The following SAMD11 variants were observed in gnomAD, a reference collection of about 807,000 sequenced individuals.
SAMD11 encodes sterile alpha motif domain-containing protein 11.
SAMD11 carries 77 observed loss-of-function variants against 64.4 expected under a neutral mutation model. The observed-to-expected ratio is 1.20, with a 90% CI of 0.99 to 1.44. SAMD11 has a LOEUF of 1.44. Among genes scored for constraint, SAMD11 ranks in the 40% most tolerant of loss-of-function variants. The pLI is 0.00. For synonymous variants in SAMD11, 658 were observed against 421.9 expected (o/e 1.56, Z -6.86); for missense variants, 1,402 against 943.3 (o/e 1.49, Z -6.37).
rs1246719898 is a variant in SAMD11, at chr1:944,524, A to C, written c.*371A>C. The stretch of plus-strand genomic sequence containing the variant: ...CAGCCACACCAGCCCAGCCCAGCCC[A>C]GCTCTCGATACGTTTGGTCTTTCAT... On this transcript the variant is annotated 3_prime_UTR_variant, in exon 14 of 14. Transcript: ENST00000616016. The C allele has an allele frequency of 4.8e-6, 3 of 624,056 alleles. No homozygotes were observed. Among genetic ancestry groups the C allele is most frequent in the African/African-American group, 3.7e-5 (2 of 53,408 alleles). The allele number at this position is 624,056 out of a possible 1,614,324, so 38.7% of individuals were successfully genotyped here.
Position 935,824 on chromosome 1 carries a change from C to T in SAMD11, c.895C>T (p.Leu299Phe). 1 of 1,613,504 alleles carries T rather than the reference C, an allele frequency of 6.2e-7. No homozygotes were observed. Among genetic ancestry groups the T allele is most frequent in the Non-Finnish European group, 8.5e-7 (1 of 1,179,900 alleles). ...LISSVHRSRHLVMPEHQSRCE... is the reference protein window; with the variant it reads ...LISSVHRSRHFVMPEHQSRCE... ...ATCCAGCGTCCACCGCAGCCGCCAC[C>T]TCGTTATGCCCGAGCATCAGAGCCG... The change falls in exon 5 of 14, where the codon CTC (leucine) becomes TTC (phenylalanine). Residue 299 changes from leucine to phenylalanine, a missense_variant. Physicochemically the swap from Leu to Phe is conservative, Grantham distance 22 (BLOSUM62 0). Coordinates refer to ENST00000616016, the MANE Select transcript of SAMD11 (RefSeq NM_001385641.1).
In SAMD11 at chr1:943,908, G is replaced by A. The variant is rs775454462; in HGVS notation, c.2290G>A (p.Val764Met). The A allele has an allele frequency of 7.4e-6, 12 of 1,612,700 alleles. No individual in the cohort carries two copies. Among genetic ancestry groups the A allele is most frequent in the South Asian group, 1.1e-5 (1 of 91,086 alleles). The stretch of plus-strand genomic sequence containing the variant: ...CCCCCACCAGGCCATCTCTCTGCAG[G>A]TGGCCAGGCGCCTGGGCCGAGTTTT... ...LGPALKIRAQ[V>M]ARRLGRVFYV... Residue 764 changes from valine to methionine, a missense_variant and splice_region_variant, in exon 14 of 14, where the codon GTG (valine) becomes ATG (methionine). Val to Met is a conservative substitution (Grantham distance 21). Transcript: ENST00000616016.
intron 2 of SAMD11, among the ~76,000 whole-genome samples, chr1:928,934 G>C (rs189964692): frequency 6.6e-6 from 1 of 152,196 alleles, no homozygotes; most frequent in Admixed American, 6.5e-5. Context: ...CCCAAGCTCC[G>C]GGCTGTGTTG....
At chr1:942,003 C>A (rs928249274) in intron 8 of SAMD11, 133 bp from the exon 9 acceptor site, 2 of 404,424 alleles carry the variant, frequency 4.9e-6, no homozygotes, top group Non-Finnish European at 8.8e-6. Flanking sequence ...TGGCGCGCGA[C>A]CTGGGGCCGT....
rs377255494 is a variant in SAMD11, at chr1:936,053, C to T, written c.967+157C>T. Among the ~76,000 whole-genome samples the T allele has an allele frequency of 4.1e-4, 62 of 152,340 alleles. 1 individual carries two copies. The East Asian group carries it at 0.011, about 27-fold the overall frequency. On this transcript the variant is annotated intron_variant, in intron 5 of 13. Coordinates refer to ENST00000616016, the MANE Select transcript of SAMD11 (RefSeq NM_001385641.1). ...GCATGGGATGGTAATTGTGTTAATC[C>T]CAGCCAGCGGGGCAGACAGGAGGCA... is the stretch of plus-strand genomic sequence containing the variant.
intron 7 of SAMD11, 92 bp downstream of exon 7, chr1:939,504 G>GCCA (rs1413145242): frequency 6.3e-7 from 1 of 1,581,386 alleles, no homozygotes; most frequent in Non-Finnish European, 8.6e-7. Context: ...CACCTCCCCA[G>GCCA]CCACATGTAC....
In SAMD11 at chr1:942,163, G is replaced by A; in HGVS notation, c.1386G>A (p.Leu462=). The part of the protein sequence containing the change: ...ERELPQPPPL[L]SPQNAPHVAL... The stretch of plus-strand genomic sequence containing the variant: ...AGCTGCCTCAGCCGCCCCCCTTGCT[G>A]TCGCCGCAGAATGCCCCTCACGTCG... The change falls in exon 9 of 14, where the codon CTG becomes CTA. Residue 462 remains leucine (L), a synonymous_variant. Coordinates refer to ENST00000616016, the MANE Select transcript of SAMD11 (RefSeq NM_001385641.1). 2.1e-6 allele frequency: 3 copies of A among 1,425,856 alleles called. No individual in the cohort carries two copies. The highest frequency in any genetic ancestry group is 1.9e-6 in the Non-Finnish European group (2 of 1,079,468). The allele number at this position is 1,425,856 out of a possible 1,614,324, so 88.3% of individuals were successfully genotyped here.
At position 944,039 on chromosome 1, in the gene SAMD11, C is replaced by T. The variant is rs1641997545; in HGVS notation, c.2421C>T (p.Ala807=). 3.7e-6 allele frequency: 6 copies of T among 1,612,712 alleles called. No homozygotes were observed. The African/African-American group carries it at 4.0e-5, about 11-fold the overall frequency. Residue 807 remains alanine (A), a synonymous_variant, in exon 14 of 14, where the codon GCC becomes GCT. Coordinates refer to ENST00000616016, the MANE Select transcript of SAMD11 (RefSeq NM_001385641.1). The stretch of plus-strand genomic sequence containing the variant: ...AGCAGCCCTTGTCCCCCACGACGGC[C>T]ACGTCCCCCTATGGAGGGGGCCACG... ...TGEQPLSPTT[A]TSPYGGGHAL...
At chr1:943,601 A>C in intron 12 of SAMD11, 97 bp from the exon 13 acceptor site, 1 of 1,331,354 alleles carries the variant, frequency 7.5e-7, no homozygotes, top group African/African-American at 1.5e-5. Context: ...GTTTTTAAAA[A>C]ATTTCCGTGA....
intron 1 of SAMD11, chr1:925,663 A>C: frequency 1.0e-5 from 4 of 384,126 alleles, no homozygotes; most frequent in Non-Finnish European, 1.4e-5. Flanking sequence ...GGAGCGCGGG[A>C]GGAGGGGCGC....
intron 7 of SAMD11, 54 bp downstream of exon 7, chr1:939,466 GA>G (rs1641632886): frequency 6.5e-7 from 1 of 1,546,194 alleles, no homozygotes; most frequent in Non-Finnish European, 8.8e-7. Flanking sequence ...CCACGGTGAG[GA>G]CCCACCCTGG....
At position 942,269 on chromosome 1, in the gene SAMD11, C is replaced by A; in HGVS notation, c.1474+18C>A. ...GACCCCAGGTGAGGAGGCGGGTGCG[C>A]ATCCCCTGGGAGCCCGCGTGGAGGC... On this transcript the variant is annotated intron_variant, in intron 9 of 13. Coordinates refer to ENST00000616016, the MANE Select transcript of SAMD11 (RefSeq NM_001385641.1). 1.8e-6 allele frequency: 2 copies of A among 1,098,922 alleles called. No individual in the cohort carries two copies. Among genetic ancestry groups the A allele is most frequent in the Non-Finnish European group, 2.4e-6 (2 of 823,250 alleles). 68.1% of individuals were successfully genotyped at this position (1,098,922 alleles called of 1,614,324 possible).
In SAMD11 at chr1:942,550, C is replaced by T. The variant is rs924948739; in HGVS notation, c.1554-9C>T. The T allele has an allele frequency of 2.4e-5, 34 of 1,402,878 alleles. No homozygotes were observed. The highest frequency in any genetic ancestry group is 3.0e-5 in the Non-Finnish European group (33 of 1,088,280). 86.9% of individuals were successfully genotyped at this position (1,402,878 alleles called of 1,614,324 possible). On this transcript the variant is annotated splice_polypyrimidine_tract_variant and intron_variant, in intron 10 of 13. Transcript: ENST00000616016. The stretch of plus-strand genomic sequence containing the variant: ...GGAGGCGGCTGACCCGCGTCTGCCC[C>T]CGGCCCAGGCTGGAGCTGCCCGCCG...
chr1:940,729 TCTA>T (rs1275099925), intron 7 of SAMD11, among the ~76,000 whole-genome samples: 2 of 152,128 alleles, frequency 1.3e-5, no homozygotes, highest in Non-Finnish European at 2.9e-5. Context: ...GCCAGCCGCG[TCTA>T]CTATGGGGAC....
intron 4 of SAMD11, among the ~76,000 whole-genome samples, chr1:932,334 CA>C (rs1216442160): frequency 6.6e-6 from 1 of 152,198 alleles, no homozygotes; most frequent in Non-Finnish European, 1.5e-5. Flanking sequence ...CTCGGGAATG[CA>C]GCGTCCCTCG....
rs577454925 is a variant in SAMD11 at position 931,157 on chromosome 1, G to A, written c.842+68G>A. On this transcript the variant is annotated intron_variant, in intron 4 of 13. Coordinates refer to ENST00000616016, the MANE Select transcript of SAMD11 (RefSeq NM_001385641.1). ...CCCTCCCTCCCTCCCACCCCTGACC[G>A]TGCCCTGCTGTCTGCTGTCCGCTGT... 5.4e-5 allele frequency: 57 copies of A among 1,052,564 alleles called. 1 individual carries two copies. Among genetic ancestry groups the A allele is most frequent in the East Asian group, 1.6e-4 (3 of 18,342 alleles). The allele number at this position is 1,052,564 out of a possible 1,614,324, so 65.2% of individuals were successfully genotyped here.
chr1:943,242 C>G lies in SAMD11; in HGVS notation c.2054-11C>G, dbSNP rs377062272. ...CCAGCCAGAGCCCTAGTAACACGCC[C>G]CACAACTCAGGCGCGGTAGGGGGAC... is the stretch of plus-strand genomic sequence containing the variant. On this transcript the variant is annotated splice_polypyrimidine_tract_variant and intron_variant, in intron 11 of 13. Transcript: ENST00000616016. 6.2e-7 allele frequency: 1 copy of G among 1,612,778 alleles called. No homozygotes were observed. The highest frequency in any genetic ancestry group is 8.5e-7 in the Non-Finnish European group (1 of 1,179,782).
At chr1:943,453 G>A in intron 12 of SAMD11, 76 bp downstream of exon 12, 1 of 1,303,706 alleles carries the variant, frequency 7.7e-7, no homozygotes, top group Non-Finnish European at 1.1e-6. Flanking sequence ...AGGATGGTGG[G>A]GTAGGGCCAT....
intron 5 of SAMD11, among the ~76,000 whole-genome samples, chr1:937,423 C>T (rs1328781970): frequency 1.3e-5 from 2 of 150,966 alleles, no homozygotes; most frequent in Admixed American, 6.6e-5. Context: ...GTCACCTCCC[C>T]CAGGCTAGGA....
Sources: gnomAD v4.1 joint callset for allele counts (sites outside exome capture counted in the v4.1 genomes callset) on GRCh38, gnomAD v4.1.1 for gene constraint, MANE v1.5 for transcripts, NCBI Gene and HGNC (gene_info 2026-07-23, HGNC 2026-07-21) for gene names.